The following SAMD4A variants were observed in gnomAD, a reference collection of about 807,000 sequenced individuals.
SAMD4A encodes the protein protein Smaug homolog 1.
A neutral mutation model predicts 81.3 loss-of-function variants in SAMD4A; 33 were observed. The observed-to-expected ratio is 0.41, with a 90% CI of 0.31 to 0.54. SAMD4A has a LOEUF of 0.54. SAMD4A is among the 20% of genes least tolerant of loss of function. The pLI is 0.37. For synonymous variants in SAMD4A, 389 were observed against 382.1 expected (o/e 1.02, Z -0.21); for missense variants, 854 against 951.1 (o/e 0.90, Z 1.34).
intron 2 of SAMD4A, among the ~76,000 whole-genome samples, chr14:54,578,839 T>C (rs995335415): frequency 8.5e-5 from 13 of 152,258 alleles, no homozygotes; most frequent in Non-Finnish European, 1.3e-4. Flanking sequence ...TTTTCAGTTT[T>C]TTTATGGTAG....
intron 3 of SAMD4A, among the ~76,000 whole-genome samples, chr14:54,711,747 G>C (rs375099058): frequency 2.6e-5 from 4 of 152,018 alleles, no homozygotes; most frequent in African/African-American, 9.7e-5. Flanking sequence ...ATGGCTGCTA[G>C]GCCTCATAGA....
intron 6 of SAMD4A, among the ~76,000 whole-genome samples, chr14:54,757,429 T>TG (rs1566622641): frequency 3.7e-4 from 43 of 116,784 alleles, no homozygotes; most frequent in African/African-American, 1.5e-3. Flanking sequence ...GTGTGTGTGT[T>TG]TTGTTTTGTT....
At chr14:54,746,032 C>G (rs565124442) in intron 4 of SAMD4A, among the ~76,000 whole-genome samples, 3 of 152,184 alleles carry the variant, frequency 2.0e-5, no homozygotes, top group African/African-American at 4.8e-5. Context: ...CTATCCCTGG[C>G]CAACAGCTTA....
intron 11 of SAMD4A, among the ~76,000 whole-genome samples, chr14:54,782,369 A>G (rs967367454): frequency 3.9e-5 from 6 of 151,974 alleles, no homozygotes. Context: ...CGCTATATAT[A>G]AAATTGTGTT....
intron 2 of SAMD4A, chr14:54,693,421 G>A (rs1566588681): frequency 6.6e-6 from 1 of 152,214 alleles, no homozygotes; most frequent in African/African-American, 2.4e-5. Context: ...AATTAGCTGG[G>A]CGCAGTGCCT....
intron 2 of SAMD4A, among the ~76,000 whole-genome samples, chr14:54,596,292 A>G (rs1391243565): frequency 6.6e-6 from 1 of 152,176 alleles, no homozygotes; most frequent in East Asian, 1.9e-4. Flanking sequence ...TCCTAAAGAA[A>G]CAAGGAAAGG....
chr14:54,700,469 ATGCAT>A (rs2036686831), intron 2 of SAMD4A, among the ~76,000 whole-genome samples: 1 of 152,196 alleles, frequency 6.6e-6, no homozygotes, highest in Non-Finnish European at 1.5e-5. Flanking sequence ...GCACAGGCTG[ATGCAT>A]TTGTAGCTTA....
chr14:54,752,713 G>A (rs1192480387), intron 6 of SAMD4A, among the ~76,000 whole-genome samples: 1 of 152,164 alleles, frequency 6.6e-6, no homozygotes, highest in African/African-American at 2.4e-5. Flanking sequence ...AACAACAGTG[G>A]GCCCAGGGGA....
At chr14:54,705,216 G>A (rs576010883) in intron 3 of SAMD4A, among the ~76,000 whole-genome samples, 2 of 152,262 alleles carry the variant, frequency 1.3e-5, no homozygotes, top group South Asian at 2.1e-4. Flanking sequence ...TGGGAAAGAC[G>A]GTGAGGAGCT....
At chr14:54,733,386 G>A (rs1566609630) in intron 3 of SAMD4A, among the ~76,000 whole-genome samples, 1 of 152,010 alleles carries the variant, frequency 6.6e-6, no homozygotes, top group Non-Finnish European at 1.5e-5. Context: ...AAAAATACAA[G>A]CAATTTTGGA....
chr14:54,640,115 T>C (rs1324763881), intron 2 of SAMD4A, among the ~76,000 whole-genome samples: 5 of 151,400 alleles, frequency 3.3e-5, no homozygotes, highest in Non-Finnish European at 5.9e-5. Flanking sequence ...CAGGGAAGAG[T>C]AGCTTCTGTT....
At chr14:54,742,332 G>A (rs186219406) in intron 4 of SAMD4A, among the ~76,000 whole-genome samples, 25 of 152,168 alleles carry the variant, frequency 1.6e-4, no homozygotes, top group Admixed American at 1.6e-3. Flanking sequence ...TAGAGGAGGA[G>A]AAATAGAATG....
chr14:54,627,633 A>G (rs529503582), intron 2 of SAMD4A, among the ~76,000 whole-genome samples: 1 of 152,202 alleles, frequency 6.6e-6, no homozygotes, highest in Non-Finnish European at 1.5e-5. Context: ...GGTAGAAGTC[A>G]TTGTTGAAGA....
intron 7 of SAMD4A, among the ~76,000 whole-genome samples, chr14:54,761,392 G>T (rs17127912): frequency 0.21 from 31,977 of 152,104 alleles, 3,316 homozygotes; most frequent in Non-Finnish European, 0.21. Flanking sequence ...TCTCCGCTGT[G>T]AGGTGACAAA....
At chr14:54,647,284 A>C (rs1216546753) in intron 2 of SAMD4A, among the ~76,000 whole-genome samples, 3 of 152,230 alleles carry the variant, frequency 2.0e-5, no homozygotes. Context: ...ACGTTTAATC[A>C]TCACTTCTCT....
chr14:54,757,968 A>G (rs558410534), intron 6 of SAMD4A, among the ~76,000 whole-genome samples: 1 of 152,320 alleles, frequency 6.6e-6, no homozygotes, highest in South Asian at 2.1e-4. Context: ...AGCCAATCAC[A>G]TGATGGTGTC....
chr14:54,608,597 T>C (rs1323742434), intron 2 of SAMD4A, among the ~76,000 whole-genome samples: 5 of 152,230 alleles, frequency 3.3e-5, no homozygotes, highest in Non-Finnish European at 5.9e-5. Context: ...GGACATGCTG[T>C]GCTGGCACAT....
At chr14:54,620,041 T>G (rs9323268) in intron 2 of SAMD4A, among the ~76,000 whole-genome samples, 81,480 of 151,720 alleles carry the variant, frequency 0.54, 22,275 homozygotes, top group East Asian at 0.87. Context: ...CTTCTACCAG[T>G]CATCCAACTA....
chr14:54,660,095 AG>A (rs144141551), intron 2 of SAMD4A, among the ~76,000 whole-genome samples: 12 of 151,832 alleles, frequency 7.9e-5, no homozygotes, highest in African/African-American at 2.9e-4. Flanking sequence ...AAAAAAAAAA[AG>A]GGCCTTTTGT....
Sources: gnomAD v4.1 joint callset for allele counts (sites outside exome capture counted in the v4.1 genomes callset) on GRCh38, gnomAD v4.1.1 for gene constraint, MANE v1.5 for transcripts, NCBI Gene and HGNC (gene_info 2026-07-23, HGNC 2026-07-21) for gene names.